Variants in PLAT observed in about 807,000 individuals in gnomAD.
PLAT encodes the protein tissue-type plasminogen activator.
Under a neutral mutation model 74.9 loss-of-function variants are expected in PLAT, and 48 were observed. That is an observed-to-expected ratio of 0.64 (90% CI 0.51 to 0.82). The LOEUF is 0.82. PLAT is among the 40% of genes least tolerant of loss of function. The probability of loss-of-function intolerance (pLI) is 0.00; values close to 1 mark genes in which losing one functional copy is unlikely to be tolerated. For synonymous variants in PLAT, 307 were observed against 294.4 expected (o/e 1.04, Z -0.44); for missense variants, 673 against 736.2 (o/e 0.91, Z 0.99).
In PLAT at chr8:42,178,938, G is replaced by A. The variant is rs538933951; in HGVS notation, c.1489C>T (p.Arg497Trp). Residue 497 changes from arginine to tryptophan, a missense_variant, in exon 13 of 14, where the codon CGG becomes TGG. Coordinates refer to ENST00000220809, the MANE Select transcript of PLAT (RefSeq NM_000930.5). ...AAGTTTGCCTGGGGCCCGCCGCTCC[G>A]AGTGTCTCCAGCACACAGCATGTTG... ...TDNMLCAGDT[R>W]SGGPQANLHD... 28 of 1,613,982 alleles carry A rather than the reference G, an allele frequency of 1.7e-5. No individual in the cohort carries two copies. In the South Asian group the frequency reaches 2.5e-4, roughly 15 times the overall value.
chr8:42,180,689 G>T lies in PLAT; in HGVS notation c.890-4C>A. ...TACTGTCTCAGGCCGCAGGTGGCTGGGGAGGAAAGGACGAGGAGGCAGTCA... is the reference window on the plus strand; with the variant it reads ...TACTGTCTCAGGCCGCAGGTGGCTGTGGAGGAAAGGACGAGGAGGCAGTCA... On this transcript the variant is annotated splice_polypyrimidine_tract_variant and splice_region_variant and intron_variant, in intron 9 of 13. Coordinates refer to ENST00000220809, the MANE Select transcript of PLAT (RefSeq NM_000930.5). 1 of 1,556,242 alleles carries T rather than the reference G, an allele frequency of 6.4e-7. No individual in the cohort carries two copies. The highest frequency in any genetic ancestry group is 1.2e-5 in the South Asian group (1 of 81,040).
intron 1 of PLAT, among the ~76,000 whole-genome samples, chr8:42,194,237 AGAGAGTGTGTGTGT>A (rs1234372162): frequency 5.8e-3 from 351 of 60,612 alleles, no homozygotes; most frequent in Admixed American, 0.012. Flanking sequence ...AGAGAGAGAG[AGAGAGTGTGTGTGT>A]GTGTGTGTGT....
At chr8:42,198,779 G>A (rs759143786) in intron 1 of PLAT, among the ~76,000 whole-genome samples, 1 of 152,228 alleles carries the variant, frequency 6.6e-6, no homozygotes, top group East Asian at 1.9e-4. Context: ...TTAGCAAAAG[G>A]TCTCTCTGAA....
intron 1 of PLAT, among the ~76,000 whole-genome samples, chr8:42,203,459 A>G (rs925556720): frequency 8.5e-5 from 13 of 152,170 alleles, no homozygotes; most frequent in African/African-American, 2.4e-4. Context: ...CCTGGCAGCC[A>G]TGATCAGCAC....
chr8:42,188,848 C>A (rs1162235417), intron 4 of PLAT, 86 bp downstream of exon 4: 42 of 1,193,534 alleles, frequency 3.5e-5, no homozygotes, highest in Non-Finnish European at 7.3e-6. Context: ...TGGTCTTGAA[C>A]TCCCGGGCTC....
intron 6 of PLAT, chr8:42,185,467 T>A: frequency 5.0e-6 from 1 of 198,424 alleles, no homozygotes; most frequent in Non-Finnish European, 1.0e-5. Flanking sequence ...TTTCACCATG[T>A]TGGCCAGGCT....
At chr8:42,194,757 C>T (rs551291637) in intron 1 of PLAT, among the ~76,000 whole-genome samples, 5 of 152,162 alleles carry the variant, frequency 3.3e-5, no homozygotes, top group South Asian at 2.1e-4. Flanking sequence ...AGGTTCTCCC[C>T]ACAAAGCAGA....
chr8:42,203,148 TA>T (rs1252411266), intron 1 of PLAT, among the ~76,000 whole-genome samples: 2 of 151,830 alleles, frequency 1.3e-5, no homozygotes, highest in East Asian at 1.9e-4. Flanking sequence ...TGTGACTACA[TA>T]AAAAAAACAA....
At chr8:42,180,459 G>A (rs1302431375) in intron 10 of PLAT, 31 bp downstream of exon 10, 2 of 1,613,654 alleles carry the variant, frequency 1.2e-6, no homozygotes, top group Non-Finnish European at 1.7e-6. Flanking sequence ...GTTAGAGGGT[G>A]GAAAAACCAA....
At chr8:42,189,709 C>A (rs1805613749) in intron 3 of PLAT, among the ~76,000 whole-genome samples, 1 of 150,942 alleles carries the variant, frequency 6.6e-6, no homozygotes. Context: ...AGTGATTCTC[C>A]TGCCTCAGCC....
chr8:42,188,698 C>T (rs1435658029), intron 4 of PLAT, among the ~76,000 whole-genome samples: 6 of 152,274 alleles, frequency 3.9e-5, no homozygotes, highest in East Asian at 1.9e-4. Context: ...GTGGCACAAT[C>T]GTAGATTACT....
At chr8:42,180,090 A>T (rs1444338251) in intron 11 of PLAT, 24 bp from the exon 12 acceptor site, 2 of 1,597,902 alleles carry the variant, frequency 1.3e-6, no homozygotes, top group Non-Finnish European at 1.7e-6. Context: ...AGGAGGAGTG[A>T]GCTGGCGTGA....
chr8:42,178,714 GGTGACTTTGAT>G (rs1805078043), intron 13 of PLAT, among the ~76,000 whole-genome samples, 172 bp downstream of exon 13: 3 of 152,230 alleles, frequency 2.0e-5, no homozygotes, highest in Non-Finnish European at 2.9e-5. Flanking sequence ...CTTAGGTTTA[GGTGACTTTGAT>G]CTTCCTCCAG....
At chr8:42,196,225 A>T (rs1016002986) in intron 1 of PLAT, among the ~76,000 whole-genome samples, 2 of 152,106 alleles carry the variant, frequency 1.3e-5, no homozygotes, top group Non-Finnish European at 2.9e-5. Context: ...ATCATGTTCA[A>T]CCCTTTTGCA....
chr8:42,191,370 A>G lies in PLAT; in HGVS notation c.115+2T>C, dbSNP rs1805677454. 2.5e-6 allele frequency: 4 copies of G among 1,613,712 alleles called. No homozygotes were observed. In the African/African-American group the frequency reaches 4.0e-5, roughly 16 times the overall value. On this transcript the variant is annotated splice_donor_variant, in intron 3 of 13. Transcript: ENST00000220809. LOFTEE classifies it high-confidence loss of function. ...CCCATGCACCCCTCAGCTTCACCCGACCTTGGTAAGATCTGGCTCCTCTTC... is the reference window on the plus strand; with the variant it reads ...CCCATGCACCCCTCAGCTTCACCCGGCCTTGGTAAGATCTGGCTCCTCTTC...
Position 42,187,390 on chromosome 8 carries a change from GC to G in PLAT, c.539+7del. 3 of 1,567,502 alleles carry G rather than the reference GC, an allele frequency of 1.9e-6. No homozygotes were observed. The highest frequency in any genetic ancestry group is 2.6e-6 in the Non-Finnish European group (3 of 1,157,836). On this transcript the variant is annotated splice_region_variant and intron_variant, in intron 6 of 13. Coordinates refer to ENST00000220809, the MANE Select transcript of PLAT (RefSeq NM_000930.5). ...AGGGGGAATCCCTCCTTGGGGATGT[GC>G]CCTCACCTGCAGTAGTTGTGGTTCC...
intron 1 of PLAT, among the ~76,000 whole-genome samples, chr8:42,206,879 A>G (rs1385037048): frequency 1.3e-5 from 2 of 152,214 alleles, no homozygotes; most frequent in Admixed American, 6.5e-5. Context: ...CAGAGGGCCA[A>G]ACTGACCTGT....
At chr8:42,177,644 C>G (rs1434485509) in intron 13 of PLAT, among the ~76,000 whole-genome samples, 1 of 152,138 alleles carries the variant, frequency 6.6e-6, no homozygotes, top group African/African-American at 2.4e-5. Flanking sequence ...TAGTAAAACT[C>G]TTGGTAATTG....
intron 12 of PLAT, 71 bp downstream of exon 12, chr8:42,179,855 T>C (rs1805143213): frequency 2.1e-6 from 3 of 1,435,506 alleles, no homozygotes; most frequent in East Asian, 5.0e-5. Flanking sequence ...TGACCCCATT[T>C]TCCTCTGGTG....
Sources: gnomAD v4.1 joint callset for allele counts (sites outside exome capture counted in the v4.1 genomes callset) on GRCh38, gnomAD v4.1.1 for gene constraint, MANE v1.5 for transcripts, NCBI Gene and HGNC (gene_info 2026-07-23, HGNC 2026-07-21) for gene names.